Variants in PPARGC1B observed in about 807,000 individuals in gnomAD.
PPARGC1B encodes the protein peroxisome proliferator-activated receptor gamma coactivator 1-beta.
In PPARGC1B, 34 loss-of-function variants were observed where a neutral mutation model predicts 101.6. The ratio of observed to expected loss-of-function variants is 0.33; its 90% CI spans 0.25 to 0.45. PPARGC1B has a LOEUF of 0.45. Ranked by LOEUF, PPARGC1B falls within the 20% of genes least tolerant of loss-of-function variation. The probability of loss-of-function intolerance (pLI) is 1.00; values close to 1 mark genes in which losing one functional copy is unlikely to be tolerated. For synonymous variants in PPARGC1B, 548 were observed against 539.3 expected (o/e 1.02, Z -0.22); for missense variants, 1,234 against 1,317.6 (o/e 0.94, Z 0.98).
chr5:149,742,028 ATGG>A (rs1469518987), intron 1 of PPARGC1B, among the ~76,000 whole-genome samples: 2 of 152,052 alleles, frequency 1.3e-5, no homozygotes, highest in African/African-American at 4.8e-5. Flanking sequence ...GATGATGATG[ATGG>A]TGGTGGTGGT....
At chr5:149,806,277 G>C (rs931410471) in intron 1 of PPARGC1B, among the ~76,000 whole-genome samples, 1 of 152,206 alleles carries the variant, frequency 6.6e-6, no homozygotes, top group Non-Finnish European at 1.5e-5. Context: ...ACAGCAAGGC[G>C]GCAGTCAGCT....
chr5:149,750,808 AC>A (rs1384955646), intron 1 of PPARGC1B, among the ~76,000 whole-genome samples: 1 of 152,220 alleles, frequency 6.6e-6, no homozygotes, highest in African/African-American at 2.4e-5. Context: ...GCATTAGGTG[AC>A]CATGGGACTG....
chr5:149,759,996 C>T (rs530604973), intron 1 of PPARGC1B, among the ~76,000 whole-genome samples: 2 of 152,330 alleles, frequency 1.3e-5, no homozygotes, highest in East Asian at 1.9e-4. Flanking sequence ...GGAGCTCCAG[C>T]GCTCCCACAG....
chr5:149,814,757 A>C (rs967278238), intron 1 of PPARGC1B, among the ~76,000 whole-genome samples: 20 of 152,240 alleles, frequency 1.3e-4, no homozygotes, highest in Non-Finnish European at 2.4e-4. Flanking sequence ...GAAGCCACTT[A>C]TGTGAGTCTG....
chr5:149,820,474 A>G lies in PPARGC1B; in HGVS notation c.120A>G (p.Pro40=), dbSNP rs1758244387. The change falls in exon 2 of 12, where the codon CCA becomes CCG. Residue 40 remains proline (P), a synonymous_variant. Coordinates refer to ENST00000309241, the MANE Select transcript of PPARGC1B (RefSeq NM_133263.4). The part of the protein sequence containing the change: ...SGEEQLYADF[P]ELDLSQLDAS... ...AGGAGCAACTCTATGCTGACTTTCC[A>G]GAACTTGACCTCTCCCAGCTGGATG... The G allele has an allele frequency of 6.2e-7, 1 of 1,613,944 alleles. No individual in the cohort carries two copies. Among genetic ancestry groups the G allele is most frequent in the African/African-American group, 1.3e-5 (1 of 74,896 alleles).
At chr5:149,777,111 G>C (rs1186740649) in intron 1 of PPARGC1B, among the ~76,000 whole-genome samples, 1 of 152,232 alleles carries the variant, frequency 6.6e-6, no homozygotes, top group African/African-American at 2.4e-5. Flanking sequence ...GGCGAGGCTA[G>C]AATTCAGTCT....
At chr5:149,751,668 T>C (rs1372318219) in intron 1 of PPARGC1B, among the ~76,000 whole-genome samples, 2 of 149,470 alleles carry the variant, frequency 1.3e-5, no homozygotes, top group Non-Finnish European at 3.0e-5. Flanking sequence ...ATTGCACCAC[T>C]GCACTCCAGC....
chr5:149,768,156 C>T (rs1189286742), intron 1 of PPARGC1B, among the ~76,000 whole-genome samples: 1 of 152,166 alleles, frequency 6.6e-6, no homozygotes, highest in Non-Finnish European at 1.5e-5. Flanking sequence ...CTTTTCAGTG[C>T]TTTGTGGCAG....
In PPARGC1B at chr5:149,845,672, G is replaced by T. The variant is rs1561639007; in HGVS notation, c.2817-88G>T. 25 of 1,379,388 alleles carry T rather than the reference G, an allele frequency of 1.8e-5. No individual in the cohort carries two copies. The East Asian group carries it at 4.6e-4, about 26-fold the overall frequency. The allele number at this position is 1,379,388 out of a possible 1,614,324, so 85.4% of individuals were successfully genotyped here. On this transcript the variant is annotated intron_variant, in intron 10 of 11. Coordinates refer to ENST00000309241, the MANE Select transcript of PPARGC1B (RefSeq NM_133263.4). ...GTGATGTGGGTATCGAATCACTGTG[G>T]CAGTCGGTTCCTCATCTAGTAATGG...
intron 2 of PPARGC1B, 148 bp from the exon 3 acceptor site, chr5:149,826,525 G>A (rs1023828212): frequency 1.5e-6 from 1 of 649,680 alleles, no homozygotes; most frequent in African/African-American, 1.8e-5. Flanking sequence ...CAGCTCTGCT[G>A]GGTGGGCAGA....
chr5:149,820,325 C>T (rs1483732837), intron 1 of PPARGC1B, 108 bp from the exon 2 acceptor site: 47 of 1,045,586 alleles, frequency 4.5e-5, no homozygotes, highest in East Asian at 9.6e-5. Context: ...TTGGCAAAAT[C>T]GGGCCTTGGC....
At chr5:149,808,217 A>C (rs1757673059) in intron 1 of PPARGC1B, among the ~76,000 whole-genome samples, 1 of 152,118 alleles carries the variant, frequency 6.6e-6, no homozygotes, top group South Asian at 2.1e-4. Context: ...TTAAAATATG[A>C]TCTACCTTGA....
At chr5:149,800,614 C>G (rs544151189) in intron 1 of PPARGC1B, among the ~76,000 whole-genome samples, 96 of 152,348 alleles carry the variant, frequency 6.3e-4, no homozygotes, top group African/African-American at 2.2e-3. Flanking sequence ...GGTGAGAGCA[C>G]TTACAACTCA....
In PPARGC1B at chr5:149,731,099, C is replaced by T. The variant is rs543666094; in HGVS notation, c.78+679C>T. 2.0e-5 allele frequency among the ~76,000 whole-genome samples: 3 copies of T among 152,304 alleles called. No homozygotes were observed. In the South Asian group the frequency reaches 6.2e-4, roughly 32 times the overall value. On this transcript the variant is annotated intron_variant, in intron 1 of 11. Coordinates refer to ENST00000309241, the MANE Select transcript of PPARGC1B (RefSeq NM_133263.4). ...AAGGACTGTCTGGGGGCGCCTGGGTCCCCCTGCGGTGCGCGGCCCCGGTGC... is the reference window on the plus strand; with the variant it reads ...AAGGACTGTCTGGGGGCGCCTGGGTTCCCCTGCGGTGCGCGGCCCCGGTGC...
In PPARGC1B at chr5:149,740,823, G is replaced by C. The variant is rs56767780; in HGVS notation, c.78+10403G>C. The stretch of plus-strand genomic sequence containing the variant: ...CAGCTTCACCTGACATATAGTAAGC[G>C]CTCAATAAATGGTGGTCACTAGGAT... On this transcript the variant is annotated intron_variant, in intron 1 of 11. Transcript: ENST00000309241. Among the ~76,000 whole-genome samples, 770 of 152,268 alleles carry C rather than the reference G, an allele frequency of 5.1e-3. 7 individuals carry two copies. The highest frequency in any genetic ancestry group is 0.018 in the African/African-American group (736 of 41,552).
At chr5:149,785,441 A>T (rs1252093445) in intron 1 of PPARGC1B, among the ~76,000 whole-genome samples, 4 of 152,218 alleles carry the variant, frequency 2.6e-5, no homozygotes, top group East Asian at 1.9e-4. Context: ...CTAGTGCCTG[A>T]CACTTAGCAA....
At chr5:149,774,081 A>G (rs779719316) in intron 1 of PPARGC1B, among the ~76,000 whole-genome samples, 1 of 152,182 alleles carries the variant, frequency 6.6e-6, no homozygotes, top group Admixed American at 6.5e-5. Context: ...CAAAGAAGGT[A>G]CTTGTCCTGG....
At chr5:149,760,737 C>T (rs6895980) in intron 1 of PPARGC1B, among the ~76,000 whole-genome samples, 123,190 of 152,214 alleles carry the variant, frequency 0.81, 50,017 homozygotes, top group South Asian at 0.89. Flanking sequence ...TAGCCTGCTG[C>T]GCATGGCTGC....
At chr5:149,741,933 C>T (rs1754923727) in intron 1 of PPARGC1B, among the ~76,000 whole-genome samples, 1 of 152,088 alleles carries the variant, frequency 6.6e-6, no homozygotes, top group African/African-American at 2.4e-5. Context: ...CCTGGCATAG[C>T]CACATAATAT....
Sources: gnomAD v4.1 joint callset for allele counts (sites outside exome capture counted in the v4.1 genomes callset) on GRCh38, gnomAD v4.1.1 for gene constraint, MANE v1.5 for transcripts, NCBI Gene and HGNC (gene_info 2026-07-23, HGNC 2026-07-21) for gene names.